Variants in TMCC3 observed in about 807,000 individuals in gnomAD.
TMCC3 encodes transmembrane and coiled-coil domain family 3, also known as transmembrane and coiled-coil domain protein 3.
Under a neutral mutation model 40.2 loss-of-function variants are expected in TMCC3, and 28 were observed. The observed-to-expected ratio is 0.70, with a 90% CI of 0.52 to 0.95. The LOEUF (loss-of-function observed/expected upper bound fraction) is 0.95. Ranked by LOEUF, TMCC3 falls within the 40% of genes least tolerant of loss-of-function variation. The probability of loss-of-function intolerance (pLI) is 0.00; values close to 1 mark genes in which losing one functional copy is unlikely to be tolerated. For missense variants in TMCC3, 554 were observed against 615.2 expected, an observed-to-expected ratio of 0.90 and a Z score of 1.05; for synonymous variants, 255 against 248.5, an observed-to-expected ratio of 1.03 and a Z score of -0.25.
chr12:94,610,563 A>T (rs2068810008), intron 1 of TMCC3, among the ~76,000 whole-genome samples: 2 of 151,842 alleles, frequency 1.3e-5, no homozygotes, highest in Non-Finnish European at 2.9e-5. Flanking sequence ...CACCCCTACC[A>T]CCACCACCAC....
At position 94,581,607 on chromosome 12, in the gene TMCC3, A is replaced by C. The variant is rs1410605659; in HGVS notation, c.995+15T>G. ...TAAAAAATAAAAAACACGCCAATGG[A>C]ATACTTTGAAATACCTGTATCTTTC... On this transcript the variant is annotated intron_variant, in intron 2 of 3. Transcript: ENST00000261226. 2 of 1,348,896 alleles carry C rather than the reference A, an allele frequency of 1.5e-6. No homozygotes were observed. Among genetic ancestry groups the C allele is most frequent in the Admixed American group, 2.8e-5 (1 of 35,242 alleles). The allele number at this position is 1,348,896 out of a possible 1,614,324, so 83.6% of individuals were successfully genotyped here. A position where few individuals can be genotyped will look rare whatever the true frequency, so the allele number is the denominator to read the frequency against.
At chr12:94,590,670 A>C (rs1379836861) in intron 1 of TMCC3, among the ~76,000 whole-genome samples, 1 of 152,148 alleles carries the variant, frequency 6.6e-6, no homozygotes, top group African/African-American at 2.4e-5. Context: ...GGGGCTCAGC[A>C]TGGCCCCACA....
chr12:94,603,202 A>G (rs1020318290), intron 1 of TMCC3, among the ~76,000 whole-genome samples: 1 of 152,184 alleles, frequency 6.6e-6, no homozygotes, highest in Non-Finnish European at 1.5e-5. Context: ...CTCATGCCTC[A>G]GCTTCCCGAG....
intron 1 of TMCC3, among the ~76,000 whole-genome samples, chr12:94,641,914 A>AT (rs1417077781): frequency 1.2e-3 from 178 of 149,700 alleles, no homozygotes; most frequent in African/African-American, 4.1e-3. Context: ...GAACCACAAA[A>AT]AATATATATA....
At chr12:94,593,413 A>AGAGGAAGAG (rs2068693802) in intron 1 of TMCC3, among the ~76,000 whole-genome samples, 2 of 83,932 alleles carry the variant, frequency 2.4e-5, no homozygotes, top group Non-Finnish European at 5.2e-5. Context: ...AGAAGAAGGA[A>AGAGGAAGAG]GAAGAAGAAG....
chr12:94,639,668 A>AACACACACACACACAC (rs3073591), intron 1 of TMCC3, among the ~76,000 whole-genome samples: 87 of 124,136 alleles, frequency 7.0e-4, no homozygotes, highest in Middle Eastern at 4.0e-3. Flanking sequence ...CATATATGTA[A>AACACACACACACACAC]ACACACACAC....
At chr12:94,573,866 C>T (rs2138815841) in intron 3 of TMCC3, among the ~76,000 whole-genome samples, 1 of 152,320 alleles carries the variant, frequency 6.6e-6, no homozygotes, top group South Asian at 2.1e-4. Context: ...TTTTTTAGGT[C>T]TCGCCTTGAT....
At position 94,569,641 on chromosome 12, in the gene TMCC3, C is replaced by G. The variant is rs979264788; in HGVS notation, c.*1794G>C. Reference sequence around the variant, plus strand: ...AATTTACTAAAACCACTCAATTGTACGCTTAAAAAAAAAAGCAAGCTTGAG... The same window carrying G: ...AATTTACTAAAACCACTCAATTGTAGGCTTAAAAAAAAAAGCAAGCTTGAG... On this transcript the variant is annotated 3_prime_UTR_variant, in exon 4 of 4. Transcript: ENST00000261226. The G allele has an allele frequency of 6.6e-6, 1 of 151,932 alleles. No homozygotes were observed. Among genetic ancestry groups the G allele is most frequent in the African/African-American group, 2.4e-5 (1 of 41,368 alleles). 9.4% of individuals were successfully genotyped at this position (151,932 alleles called of 1,614,324 possible).
At chr12:94,607,056 A>G (rs1419526523) in intron 1 of TMCC3, among the ~76,000 whole-genome samples, 1 of 151,782 alleles carries the variant, frequency 6.6e-6, no homozygotes, top group Non-Finnish European at 1.5e-5. Flanking sequence ...CCGTTTACAG[A>G]CCTCCCCCCA....
intron 1 of TMCC3, among the ~76,000 whole-genome samples, chr12:94,594,333 T>A (rs1270332244): frequency 1.3e-5 from 2 of 152,012 alleles, no homozygotes; most frequent in African/African-American, 2.4e-5. Flanking sequence ...GCTCAAGTTA[T>A]CCTCTCACCC....
At chr12:94,586,761 A>C (rs1338682029) in intron 1 of TMCC3, among the ~76,000 whole-genome samples, 1 of 152,186 alleles carries the variant, frequency 6.6e-6, no homozygotes, top group Non-Finnish European at 1.5e-5. Flanking sequence ...CCTTGTATGC[A>C]CAGGAATGTT....
chr12:94,604,458 G>A (rs773878503), intron 1 of TMCC3, among the ~76,000 whole-genome samples: 3 of 152,052 alleles, frequency 2.0e-5, no homozygotes, highest in Non-Finnish European at 4.4e-5. Flanking sequence ...AGAGAAATAT[G>A]ATAAGCTCTG....
chr12:94,635,366 CCGAGCTG>C (rs376641152), intron 1 of TMCC3, among the ~76,000 whole-genome samples: 2 of 152,120 alleles, frequency 1.3e-5, no homozygotes, highest in African/African-American at 2.4e-5. Flanking sequence ...CTTCCATCTC[CCGAGCTG>C]CGAGCTGCGA....
chr12:94,644,582 C>T (rs916190914), intron 1 of TMCC3, among the ~76,000 whole-genome samples: 4 of 152,298 alleles, frequency 2.6e-5, no homozygotes, highest in African/African-American at 2.4e-5. Context: ...AAACACACAC[C>T]GCATCACTTT....
At position 94,582,321 on chromosome 12, in the gene TMCC3, A is replaced by C. The variant is rs1319458710; in HGVS notation, c.296T>G (p.Leu99Arg). 1 of 1,613,900 alleles carries C rather than the reference A, an allele frequency of 6.2e-7. No individual in the cohort carries two copies. The highest frequency in any genetic ancestry group is 1.3e-5 in the African/African-American group (1 of 74,932). ...RDGNVAEYLKLVNNADKQQAG... is the reference protein window; with the variant it reads ...RDGNVAEYLKRVNNADKQQAG... ...CTGCTGCTTGTCTGCGTTGTTCACT[A>C]GTTTCAGATACTCCGCAACATTCCC... The change falls in exon 2 of 4, where the codon CTA becomes CGA. Residue 99 changes from leucine (L) to arginine (R), a missense_variant. Physicochemically the swap from Leu to Arg is moderately radical, Grantham distance 102 (BLOSUM62 -2). Transcript: ENST00000261226.
chr12:94,580,023 T>C (rs901922584), intron 2 of TMCC3, among the ~76,000 whole-genome samples: 1 of 152,206 alleles, frequency 6.6e-6, no homozygotes, highest in Admixed American at 6.5e-5. Flanking sequence ...TTTTGTTTCA[T>C]AAAATTGGAG....
chr12:94,580,893 T>G (rs964462816), intron 2 of TMCC3, among the ~76,000 whole-genome samples: 2 of 152,198 alleles, frequency 1.3e-5, no homozygotes, highest in Non-Finnish European at 2.9e-5. Context: ...AATGACACTA[T>G]AACGGAAGTC....
At chr12:94,635,624 T>C (rs1048967366) in intron 1 of TMCC3, among the ~76,000 whole-genome samples, 1 of 151,214 alleles carries the variant, frequency 6.6e-6, no homozygotes, top group Non-Finnish European at 1.5e-5. Flanking sequence ...CTGTAAATAA[T>C]ACTGGAGTTA....
In TMCC3 at chr12:94,617,460, T is replaced by C. The variant is rs537782608; in HGVS notation, c.78+32893A>G. ...TTAATGAAATCAGAAAAGGACATGA[T>C]GTCATGGCAAACAGAAGAGATTTAA... On this transcript the variant is annotated intron_variant, in intron 1 of 3. Coordinates refer to ENST00000261226, the MANE Select transcript of TMCC3 (RefSeq NM_020698.4). Among the ~76,000 whole-genome samples, 5 of 152,364 alleles carry C rather than the reference T, an allele frequency of 3.3e-5. No homozygotes were observed. The South Asian group carries it at 8.3e-4, about 25-fold the overall frequency.
Sources: allele counts gnomAD v4.1 joint callset (sites outside exome capture counted in the v4.1 genomes callset), GRCh38; gene constraint gnomAD v4.1.1; transcripts MANE v1.5; gene names NCBI Gene and HGNC (gene_info 2026-07-23, HGNC 2026-07-21).